ZSWIM2: variants seen among roughly 807,000 people sequenced by gnomAD.
ZSWIM2 encodes E3 ubiquitin-protein ligase ZSWIM2.
ZSWIM2 carries 38 observed loss-of-function variants against 48.4 expected under a neutral mutation model. That is an observed-to-expected ratio of 0.79 (90% confidence interval 0.61 to 1.03). The LOEUF (loss-of-function observed/expected upper bound fraction) is 1.03, where lower values mean the gene tolerates loss of function less well. Ranked by LOEUF, ZSWIM2 falls within the 50% of genes least tolerant of loss-of-function variation. The pLI, the probability that ZSWIM2 is intolerant of heterozygous loss-of-function variation, is 0.00. For synonymous variants in ZSWIM2, 240 were observed against 251.3 expected (o/e 0.96, Z 0.42); for missense variants, 776 against 730.2 (o/e 1.06, Z -0.72).
chr2:186,843,831 T>C (rs553056512), intron 3 of ZSWIM2, among the ~76,000 whole-genome samples: 1 of 151,650 alleles, frequency 6.6e-6, no homozygotes, highest in South Asian at 2.1e-4. Context: ...AAAAAATATG[T>C]AGAGTGAAAA....
At position 186,828,732 on chromosome 2, in the gene ZSWIM2, T is replaced by C. The variant is rs17856915; in HGVS notation, c.1154A>G (p.Asp385Gly). ...LFHKCNSCPIDGQVIYNPLTW... is the reference protein window; with the variant it reads ...LFHKCNSCPIGGQVIYNPLTW... ...TAAAGGGTTATATATAACTTGTCCA[T>C]CAATAGGGCATGAATTGCACTTGTG... is the stretch of plus-strand genomic sequence containing the variant. Residue 385 changes from aspartate to glycine, a missense_variant, in exon 9 of 9, where the codon GAT becomes GGT. Physicochemically the swap from Asp to Gly is moderately conservative, Grantham distance 94. Coordinates refer to ENST00000295131, the MANE Select transcript of ZSWIM2 (RefSeq NM_182521.3). 175 of 1,607,544 alleles carry C rather than the reference T, an allele frequency of 1.1e-4. No homozygotes were observed. Among genetic ancestry groups the C allele is most frequent in the Non-Finnish European group, 1.4e-4 (162 of 1,177,390 alleles).
Position 186,830,653 on chromosome 2 carries a change from T to C in ZSWIM2, c.942-773A>G, listed in dbSNP as rs560048558. ...TCATAAGAGATAAGGAAATTTGTTT[T>C]CATCTGGGGTATATTCTTACCACTT... On this transcript the variant is annotated intron_variant, in intron 7 of 8. Transcript: ENST00000295131. 1.1e-4 allele frequency among the ~76,000 whole-genome samples: 17 copies of C among 151,834 alleles called. No homozygotes were observed. The East Asian group carries it at 3.1e-3, about 28-fold the overall frequency.
chr2:186,841,493 G>C (rs888221477), intron 3 of ZSWIM2, among the ~76,000 whole-genome samples: 7 of 151,054 alleles, frequency 4.6e-5, no homozygotes, highest in Admixed American at 4.6e-4. Context: ...GGCAATACAT[G>C]GGGGGGAGAC....
chr2:186,829,165 T>A (rs986010883), intron 8 of ZSWIM2, among the ~76,000 whole-genome samples: 2 of 152,038 alleles, frequency 1.3e-5, no homozygotes, highest in Non-Finnish European at 2.9e-5. Flanking sequence ...ACAAATTAAG[T>A]TTTTGAAAAT....
At chr2:186,836,392 G>A (rs1208776099) in intron 5 of ZSWIM2, among the ~76,000 whole-genome samples, 1 of 152,000 alleles carries the variant, frequency 6.6e-6, no homozygotes, top group Non-Finnish European at 1.5e-5. Flanking sequence ...AGCCTTCTCA[G>A]GCCAGCCATT....
At chr2:186,831,990 G>A (rs150757544) in intron 7 of ZSWIM2, among the ~76,000 whole-genome samples, 4,320 of 152,004 alleles carry the variant, frequency 0.028, 201 homozygotes, top group African/African-American at 0.098. Flanking sequence ...AAACCTGCAC[G>A]TTGTGCACAT....
At chr2:186,847,035 T>C (rs1488574517) in intron 2 of ZSWIM2, among the ~76,000 whole-genome samples, 1 of 150,282 alleles carries the variant, frequency 6.7e-6, no homozygotes, top group Admixed American at 6.6e-5. Context: ...ACTGGGAGGG[T>C]GGGAAGGGAG....
chr2:186,835,304 A>G (rs1281219515), intron 5 of ZSWIM2, among the ~76,000 whole-genome samples: 3 of 152,230 alleles, frequency 2.0e-5, no homozygotes, highest in Non-Finnish European at 4.4e-5. Context: ...TCACAAGTAG[A>G]GGATTTTAAA....
chr2:186,844,727 C>A lies in ZSWIM2; in HGVS notation c.273G>T (p.Arg91Ser), dbSNP rs745658088. 1 of 1,556,874 alleles carries A rather than the reference C, an allele frequency of 6.4e-7. No individual in the cohort carries two copies. The highest frequency in any genetic ancestry group is 8.6e-7 in the Non-Finnish European group (1 of 1,157,774). ...WVLLKKFKLP[R>S]NHESALQLGL... is the part of the protein sequence containing the mutation. Reference sequence around the variant, plus strand: ...AACCCCAAAACTTACATTCATGGTTCCTTGGAAGCTTGAATTTTTTCAACA... The same window carrying A: ...AACCCCAAAACTTACATTCATGGTTACTTGGAAGCTTGAATTTTTTCAACA... The change falls in exon 3 of 9, where the codon AGG becomes AGT. Residue 91 changes from arginine to serine, a missense_variant. Arg to Ser is a moderately radical substitution (Grantham distance 110, BLOSUM62 -1). Coordinates refer to ENST00000295131, the MANE Select transcript of ZSWIM2 (RefSeq NM_182521.3).
intron 1 of ZSWIM2, 100 bp from the exon 2 acceptor site, chr2:186,847,895 G>A: frequency 1.3e-6 from 1 of 770,986 alleles, no homozygotes; most frequent in East Asian, 2.7e-5. Flanking sequence ...TTTAGTTTAG[G>A]TGATTCAAAA....
chr2:186,849,134 G>A lies in ZSWIM2; in HGVS notation c.-4C>T. 6.2e-7 allele frequency: 1 copy of A among 1,605,624 alleles called. No individual in the cohort carries two copies. The highest frequency in any genetic ancestry group is 8.5e-7 in the Non-Finnish European group (1 of 1,174,368). ...CCTTATAGCCTCGGCGAAGCATGCT[G>A]GGTGCGGGCGGAGGCGGCCCCTCTG... On this transcript the variant is annotated 5_prime_UTR_variant, in exon 1 of 9. Transcript: ENST00000295131.
intron 7 of ZSWIM2, among the ~76,000 whole-genome samples, chr2:186,830,091 G>C (rs1691671269): frequency 6.6e-6 from 1 of 152,036 alleles, no homozygotes; most frequent in Non-Finnish European, 1.5e-5. Flanking sequence ...AAAGAACAAA[G>C]TTTTTGGCTG....
chr2:186,839,976 G>C (rs1691874856), intron 3 of ZSWIM2, among the ~76,000 whole-genome samples: 1 of 151,372 alleles, frequency 6.6e-6, no homozygotes, highest in Non-Finnish European at 1.5e-5. Flanking sequence ...TTGATTTTAT[G>C]TATCTTTTTA....
At chr2:186,834,857 C>T (rs1691766923) in intron 5 of ZSWIM2, among the ~76,000 whole-genome samples, 1 of 152,130 alleles carries the variant, frequency 6.6e-6, no homozygotes, top group South Asian at 2.1e-4. Context: ...TCCAGGATAA[C>T]CTCTTTATTT....
At chr2:186,838,427 A>G (rs888889921) in intron 4 of ZSWIM2, among the ~76,000 whole-genome samples, 1 of 150,160 alleles carries the variant, frequency 6.7e-6, no homozygotes, top group African/African-American at 2.4e-5. Flanking sequence ...ACTAAAAATA[A>G]TTTTTGTAAT....
chr2:186,844,277 G>A (rs553433566), intron 3 of ZSWIM2, among the ~76,000 whole-genome samples: 1 of 151,504 alleles, frequency 6.6e-6, no homozygotes, highest in Non-Finnish European at 1.5e-5. Flanking sequence ...ATTTTACTCT[G>A]CTTTTGTTTA....
At position 186,837,554 on chromosome 2, in the gene ZSWIM2, C is replaced by A. The variant is rs760662436; in HGVS notation, c.495G>T (p.Arg165Ser). 3 of 1,605,214 alleles carry A rather than the reference C, an allele frequency of 1.9e-6. No homozygotes were observed. Among genetic ancestry groups the A allele is most frequent in the African/African-American group, 1.3e-5 (1 of 74,262 alleles). ...LEKKLPVTFC[R>S]FGCGNSIHIK... The stretch of plus-strand genomic sequence containing the variant: ...TATGAATACTATTGCCACAGCCAAA[C>A]CTATGAGAGATAAAATTGAAGTTTA... Residue 165 changes from arginine to serine, a missense_variant and splice_region_variant, in exon 5 of 9, where the codon AGG (arginine) becomes AGT (serine). Transcript: ENST00000295131.
intron 2 of ZSWIM2, among the ~76,000 whole-genome samples, 160 bp downstream of exon 2, chr2:186,847,559 T>C (rs994847050): frequency 6.6e-6 from 1 of 152,150 alleles, no homozygotes; most frequent in African/African-American, 2.4e-5. Flanking sequence ...TAAAATGAAA[T>C]ACTGAAAAAT....
Position 186,833,111 on chromosome 2 carries a change from G to T in ZSWIM2, c.941+9C>A. The stretch of plus-strand genomic sequence containing the variant: ...ATACAACAAATATAAAATTTACTGG[G>T]AACCTCACCCTTGCTTTTCTTGAAA... On this transcript the variant is annotated intron_variant, in intron 7 of 8. Transcript: ENST00000295131. The T allele has an allele frequency of 7.7e-7, 1 of 1,295,484 alleles. No individual in the cohort carries two copies. The highest frequency in any genetic ancestry group is 1.1e-6 in the Non-Finnish European group (1 of 944,186). 80.2% of individuals were successfully genotyped at this position (1,295,484 alleles called of 1,614,324 possible).
Sources: allele counts gnomAD v4.1 joint callset (sites outside exome capture counted in the v4.1 genomes callset), GRCh38; gene constraint gnomAD v4.1.1; transcripts MANE v1.5; gene names NCBI Gene and HGNC (gene_info 2026-07-23, HGNC 2026-07-21).